RNF32: variants seen among roughly 807,000 people sequenced by gnomAD.
RNF32 encodes ring finger protein 32.
RNF32 carries 36 observed loss-of-function variants against 41.0 expected under a neutral mutation model. The ratio of observed to expected loss-of-function variants is 0.88; its 90% confidence interval spans 0.67 to 1.16. RNF32 has a LOEUF of 1.16. Ranked by LOEUF, RNF32 falls within the 50% of genes most tolerant of loss-of-function variation. The pLI, the probability that RNF32 is intolerant of heterozygous loss-of-function variation, is 0.00. For synonymous variants in RNF32, 154 were observed against 160.9 expected, an observed-to-expected ratio of 0.96 and a Z score of 0.32; for missense variants, 413 against 436.7, an observed-to-expected ratio of 0.95 and a Z score of 0.48.
upstream of RNF32, chr7:156,640,378 G>A (rs193106513): frequency 2.9e-4 from 129 of 440,138 alleles, no homozygotes; most frequent in African/African-American, 2.3e-3. Context: ...CAAAGCCGCC[G>A]GGGGCTGCGG....
intron 7 of RNF32, 149 bp downstream of exon 7, chr7:156,658,719 GT>G: frequency 2.6e-6 from 2 of 767,476 alleles, no homozygotes; most frequent in South Asian, 1.8e-5. Context: ...TAAAAATCCT[GT>G]TTAACTTTAG....
Position 156,671,018 on chromosome 7 carries a change from G to GCTCA in RNF32, c.685-4677_685-4674dup, listed in dbSNP as rs147245466. Among the ~76,000 whole-genome samples, 763 of 152,288 alleles carry GCTCA rather than the reference G, an allele frequency of 5.0e-3. 5 individuals are homozygous for GCTCA. Among genetic ancestry groups the GCTCA allele is most frequent in the African/African-American group, 0.018 (744 of 41,554 alleles). On this transcript the variant is annotated intron_variant, in intron 7 of 8. Coordinates refer to ENST00000317955, the MANE Select transcript of RNF32 (RefSeq NM_030936.4). The stretch of plus-strand genomic sequence containing the variant: ...AAAGCAGGAGAGGAAAATTAAGTAT[G>GCTCA]CTCAGATCCTTGTATTGGTTCGAGG...
chr7:156,659,624 A>G, intron 7 of RNF32: 3 of 923,056 alleles, frequency 3.3e-6, no homozygotes, highest in Non-Finnish European at 3.9e-6. Context: ...TACCTTATAT[A>G]TATAAATATT....
At chr7:156,671,165 T>G (rs1802408436) in intron 7 of RNF32, among the ~76,000 whole-genome samples, 2 of 152,124 alleles carry the variant, frequency 1.3e-5, no homozygotes, top group South Asian at 4.1e-4. Flanking sequence ...AAACTTTAAT[T>G]GAAAAGAGCA....
chr7:156,671,698 C>G (rs992762663), intron 7 of RNF32, among the ~76,000 whole-genome samples: 7 of 152,212 alleles, frequency 4.6e-5, no homozygotes, highest in African/African-American at 1.4e-4. Context: ...GAGCACAGTC[C>G]CCAACAGTTA....
At position 156,644,621 on chromosome 7, in the gene RNF32, G is replaced by C; in HGVS notation, c.138G>C (p.Lys46Asn). The C allele has an allele frequency of 6.2e-7, 1 of 1,613,524 alleles. No homozygotes were observed. The highest frequency in any genetic ancestry group is 8.5e-7 in the Non-Finnish European group (1 of 1,179,698). Reference protein sequence around the residue: ...VADHSKTQVQKKENKSLKRDT... With the variant: ...VADHSKTQVQNKENKSLKRDT... Reference sequence around the variant, plus strand: ...ATCATTCTAAGACACAAGTACAAAAGAAAGAGAACAAATCTCTAAAAAGAG... The same window carrying C: ...ATCATTCTAAGACACAAGTACAAAACAAAGAGAACAAATCTCTAAAAAGAG... Residue 46 changes from lysine to asparagine, a missense_variant, in exon 3 of 9, where the codon AAG (lysine) becomes AAC (asparagine). Transcript: ENST00000317955.
Position 156,644,602 on chromosome 7 carries a change from C to T in RNF32, c.119C>T (p.Ser40Phe). The change falls in exon 3 of 9, where the codon TCT becomes TTT. Residue 40 changes from serine to phenylalanine, a missense_variant. Transcript: ENST00000317955. ...CGAAATCTTTCAGTTGCAGATCATTCTAAGACACAAGTACAAAAGAAAGAG... is the reference window on the plus strand; with the variant it reads ...CGAAATCTTTCAGTTGCAGATCATTTTAAGACACAAGTACAAAAGAAAGAG... ...QLRNLSVADH[S>F]KTQVQKKENK... 1 of 1,613,358 alleles carries T rather than the reference C, an allele frequency of 6.2e-7. No individual in the cohort carries two copies. Among genetic ancestry groups the T allele is most frequent in the Non-Finnish European group, 8.5e-7 (1 of 1,179,454 alleles).
Position 156,676,402 on chromosome 7 carries a change from C to T in RNF32, c.853-17C>T, listed in dbSNP as rs2302149. 0.44 allele frequency: 709,578 copies of T among 1,613,794 alleles called. 157,544 individuals are homozygous for T. Among genetic ancestry groups the T allele is most frequent in the African/African-American group, 0.51 (38,484 of 74,968 alleles). On this transcript the variant is annotated splice_polypyrimidine_tract_variant and intron_variant, in intron 8 of 8. Coordinates refer to ENST00000317955, the MANE Select transcript of RNF32 (RefSeq NM_030936.4). ...GAAACTAACCCGCGTGGCCTCTTCC[C>T]GTCCTGTGTGCCGCAGGCTCTGCGC...
At chr7:156,659,229 T>A (rs1800224863) in intron 7 of RNF32, 1 of 1,098,834 alleles carries the variant, frequency 9.1e-7, no homozygotes, top group Admixed American at 4.9e-5. Flanking sequence ...CCTGGCAGTG[T>A]TGGCCTGAGA....
intron 7 of RNF32, among the ~76,000 whole-genome samples, chr7:156,672,826 C>G (rs950648821): frequency 6.6e-6 from 1 of 152,228 alleles, no homozygotes; most frequent in Non-Finnish European, 1.5e-5. Context: ...TGGGAGGTGA[C>G]ACCTCCAGGA....
chr7:156,661,894 A>C (rs2131545647), intron 7 of RNF32, among the ~76,000 whole-genome samples: 1 of 152,304 alleles, frequency 6.6e-6, no homozygotes, highest in South Asian at 2.1e-4. Flanking sequence ...ACCTCATTCA[A>C]GTTTCAAGTG....
chr7:156,675,878 C>T lies in RNF32; in HGVS notation c.852+15C>T. On this transcript the variant is annotated intron_variant, in intron 8 of 8. Coordinates refer to ENST00000317955, the MANE Select transcript of RNF32 (RefSeq NM_030936.4). ...TCCAAGTGCAGGTAGGTTTGGCTGG[C>T]AGCCTGGCAACCAGCAGACTCAGCT... is the stretch of plus-strand genomic sequence containing the variant. 1 of 1,607,952 alleles carries T rather than the reference C, an allele frequency of 6.2e-7. No homozygotes were observed. Among genetic ancestry groups the T allele is most frequent in the South Asian group, 1.1e-5 (1 of 90,982 alleles).
At position 156,669,429 on chromosome 7, in the gene RNF32, GC is replaced by G. The variant is rs959623539; in HGVS notation, c.685-6266del. ...ATAAGGTGGAAATGTCTGAGGAGAT[GC>G]ACCCTGAACCCAAATGGAGGAACCG... is the stretch of plus-strand genomic sequence containing the variant. On this transcript the variant is annotated intron_variant, in intron 7 of 8. Transcript: ENST00000317955. The surrounding 1 kb of genome is among the most constrained non-coding windows in gnomAD (Gnocchi z 4.2). 5.3e-5 allele frequency: 8 copies of G among 152,290 alleles called. No individual in the cohort carries two copies. Among genetic ancestry groups the G allele is most frequent in the African/African-American group, 1.9e-4 (8 of 41,442 alleles). The allele number at this position is 152,290 out of a possible 1,614,324, so 9.4% of individuals were successfully genotyped here. A position where few individuals can be genotyped will look rare whatever the true frequency, so the allele number is the denominator to read the frequency against.
At chr7:156,664,153 C>A (rs1801022314) in intron 7 of RNF32, among the ~76,000 whole-genome samples, 1 of 152,230 alleles carries the variant, frequency 6.6e-6, no homozygotes, top group South Asian at 2.1e-4. Flanking sequence ...TTACAACGTT[C>A]TGAAGGCTAT....
chr7:156,650,925 C>T (rs1175954101), intron 3 of RNF32, among the ~76,000 whole-genome samples: 1 of 152,246 alleles, frequency 6.6e-6, no homozygotes, highest in East Asian at 1.9e-4. Flanking sequence ...CCTTCACCTG[C>T]TGCTGTTACT....
chr7:156,665,195 A>G (rs191788889), intron 7 of RNF32, among the ~76,000 whole-genome samples: 1 of 152,312 alleles, frequency 6.6e-6, no homozygotes, highest in East Asian at 1.9e-4. Flanking sequence ...TTAAAAATAA[A>G]TTCCAAAGCC....
intron 3 of RNF32, chr7:156,646,474 C>G (rs769055977): frequency 2.3e-6 from 3 of 1,301,984 alleles, no homozygotes; most frequent in African/African-American, 1.5e-5. Context: ...ATAGGATGTA[C>G]AGCCAACTTT....
In RNF32 at chr7:156,655,528, G is replaced by A. The variant is rs552488032; in HGVS notation, c.417+810G>A. Among the ~76,000 whole-genome samples, 4 of 152,266 alleles carry A rather than the reference G, an allele frequency of 2.6e-5. No homozygotes were observed. The South Asian group carries it at 8.3e-4, about 32-fold the overall frequency. ...AACACAGCAAATACAGTTAAAATCA[G>A]CCTTGGAGTTTGTAGCCTAGGAACC... is the stretch of plus-strand genomic sequence containing the variant. On this transcript the variant is annotated intron_variant, in intron 4 of 8. Coordinates refer to ENST00000317955, the MANE Select transcript of RNF32 (RefSeq NM_030936.4).
intron 7 of RNF32, chr7:156,659,193 C>T: frequency 8.6e-7 from 1 of 1,158,864 alleles, no homozygotes; most frequent in Non-Finnish European, 1.1e-6. Flanking sequence ...AGCTCCGAGG[C>T]TGTCATATGA....
Sources: allele counts gnomAD v4.1 joint callset (sites outside exome capture counted in the v4.1 genomes callset), GRCh38; gene constraint gnomAD v4.1.1; non-coding constraint Gnocchi (gnomAD v3.1); transcripts MANE v1.5; gene names NCBI Gene and HGNC (gene_info 2026-07-23, HGNC 2026-07-21).